PCED1B: variants seen among roughly 807,000 people sequenced by gnomAD.
PCED1B encodes the protein PC-esterase domain-containing protein 1B.
For synonymous variants in PCED1B, 251 were observed against 246.1 expected (o/e 1.02, Z -0.19); for missense variants, 573 against 573.9 (o/e 1.00, Z 0.02).
rs147257666 is a variant in PCED1B, at chr12:47,131,881, G to A, written c.-526+27686G>A. Among the ~76,000 whole-genome samples the A allele has an allele frequency of 4.0e-3, 609 of 151,936 alleles. 4 individuals are homozygous for A. Among genetic ancestry groups the A allele is most frequent in the African/African-American group, 0.014 (577 of 41,424 alleles). On this transcript the variant is annotated intron_variant, in intron 2 of 3. Coordinates refer to ENST00000546455, the MANE Select transcript of PCED1B (RefSeq NM_138371.3). ...ATGGGGTTTCACCATGTTGGCCAGG[G>A]TGGTCTTGATCTCCTGACCTCGTGA... is the stretch of plus-strand genomic sequence containing the variant.
chr12:47,184,353 A>G lies in PCED1B; in HGVS notation c.-525-31869A>G, dbSNP rs530309037. ...AAGGGGAGGTGGTTTGATTTATAGC[A>G]TTTGCAGATTTCCATGATGCAAATA... On this transcript the variant is annotated intron_variant, in intron 2 of 3. Transcript: ENST00000546455. Among the ~76,000 whole-genome samples, 6 of 152,166 alleles carry G rather than the reference A, an allele frequency of 3.9e-5. No homozygotes were observed. The East Asian group carries it at 1.2e-3, about 29-fold the overall frequency.
intron 2 of PCED1B, among the ~76,000 whole-genome samples, chr12:47,112,159 T>C (rs539756952): frequency 1.3e-5 from 2 of 152,354 alleles, no homozygotes; most frequent in African/African-American, 4.8e-5. Flanking sequence ...ATGTTGCTAT[T>C]ATTTTATTTA....
intron 2 of PCED1B, among the ~76,000 whole-genome samples, chr12:47,109,195 G>A (rs1939085219): frequency 6.6e-6 from 1 of 152,172 alleles, no homozygotes; most frequent in Non-Finnish European, 1.5e-5. Flanking sequence ...TCAAGTACTA[G>A]ATTTAGGATG....
At chr12:47,215,482 G>T (rs1232586277) in intron 2 of PCED1B, among the ~76,000 whole-genome samples, 2 of 151,902 alleles carry the variant, frequency 1.3e-5, no homozygotes, top group African/African-American at 2.4e-5. Context: ...TCGAACTCCT[G>T]ACCTCAGGTG....
intron 2 of PCED1B, among the ~76,000 whole-genome samples, chr12:47,152,890 G>A (rs1489377442): frequency 1.3e-5 from 2 of 151,872 alleles, no homozygotes; most frequent in Admixed American, 1.3e-4. Context: ...AGCCTAGATT[G>A]TGCCACTCCA....
chr12:47,109,247 C>T (rs1269127174), intron 2 of PCED1B, among the ~76,000 whole-genome samples: 1 of 152,174 alleles, frequency 6.6e-6, no homozygotes, highest in Non-Finnish European at 1.5e-5. Context: ...CTTCTTGCAA[C>T]TTTCAGCAAA....
intron 2 of PCED1B, among the ~76,000 whole-genome samples, chr12:47,165,484 T>C (rs566487737): frequency 6.6e-6 from 1 of 152,366 alleles, no homozygotes; most frequent in South Asian, 2.1e-4. Flanking sequence ...CACATATTAT[T>C]TTAACAACTC....
intron 2 of PCED1B, among the ~76,000 whole-genome samples, chr12:47,149,380 G>A (rs184822917): frequency 6.6e-6 from 1 of 152,296 alleles, no homozygotes; most frequent in Admixed American, 6.5e-5. Context: ...TCCCTGAGAA[G>A]CAGCGCAATA....
intron 1 of PCED1B, among the ~76,000 whole-genome samples, chr12:47,084,875 C>T (rs568341376): frequency 6.6e-6 from 1 of 152,326 alleles, no homozygotes; most frequent in East Asian, 1.9e-4. Context: ...GTGGCTCATG[C>T]CTGTAATCCC....
intron 2 of PCED1B, among the ~76,000 whole-genome samples, chr12:47,169,753 G>T (rs11608586): frequency 0.23 from 35,001 of 151,294 alleles, 5,144 homozygotes; most frequent in Non-Finnish European, 0.33. Context: ...GTTTTGGGAG[G>T]CCAAGATAGG....
Position 47,140,727 on chromosome 12 carries a change from C to G in PCED1B, c.-526+36532C>G, listed in dbSNP as rs76973428. Among the ~76,000 whole-genome samples, 790 of 152,140 alleles carry G rather than the reference C, an allele frequency of 5.2e-3. 6 individuals are homozygous for G. Among genetic ancestry groups the G allele is most frequent in the African/African-American group, 0.017 (722 of 41,500 alleles). ...TTTCCTTTAATCATAATTGTAGTGG[C>G]TGCATGCAAAAAAAGAAAATATATC... On this transcript the variant is annotated intron_variant, in intron 2 of 3. Transcript: ENST00000546455.
chr12:47,121,138 T>C (rs1431491009), intron 2 of PCED1B, among the ~76,000 whole-genome samples: 1 of 152,186 alleles, frequency 6.6e-6, no homozygotes, highest in African/African-American at 2.4e-5. Context: ...ATGGATAAAG[T>C]GTATGTTATG....
intron 3 of PCED1B, among the ~76,000 whole-genome samples, chr12:47,234,694 G>A (rs968572431): frequency 6.6e-6 from 1 of 152,178 alleles, no homozygotes; most frequent in African/African-American, 2.4e-5. Flanking sequence ...CTCATCCCTG[G>A]GGAGGGTGGA....
intron 2 of PCED1B, among the ~76,000 whole-genome samples, chr12:47,213,348 T>C (rs1434865340): frequency 1.5e-5 from 2 of 130,550 alleles, no homozygotes; most frequent in African/African-American, 6.7e-5. Context: ...TGTGGACTGT[T>C]TAAGTCAGAC....
chr12:47,124,402 G>A (rs566396938), intron 2 of PCED1B, among the ~76,000 whole-genome samples: 2 of 151,850 alleles, frequency 1.3e-5, no homozygotes, highest in South Asian at 4.2e-4. Flanking sequence ...ATACCAAAAT[G>A]TGTTTATTCA....
In PCED1B at chr12:47,105,217, G is replaced by A. The variant is rs149619969; in HGVS notation, c.-526+1022G>A. Among the ~76,000 whole-genome samples, 354 of 152,188 alleles carry A rather than the reference G, an allele frequency of 2.3e-3. 1 individual carries two copies. Among genetic ancestry groups the A allele is most frequent in the African/African-American group, 7.9e-3 (327 of 41,510 alleles). ...TCCGCTGAGTTTGGAAAGATGACTG[G>A]GGTTTGATTGACAGAGTGAACGCGG... On this transcript the variant is annotated intron_variant, in intron 2 of 3. Coordinates refer to ENST00000546455, the MANE Select transcript of PCED1B (RefSeq NM_138371.3).
intron 2 of PCED1B, among the ~76,000 whole-genome samples, chr12:47,124,192 A>G (rs1939792747): frequency 6.6e-6 from 1 of 151,992 alleles, no homozygotes; most frequent in Non-Finnish European, 1.5e-5. Flanking sequence ...TTTCACCCTC[A>G]TCTCTAGGAA....
chr12:47,135,672 G>A (rs372060100), intron 2 of PCED1B: 7 of 520,484 alleles, frequency 1.3e-5, no homozygotes, highest in East Asian at 1.1e-4. Flanking sequence ...GTAGATGAAT[G>A]CTATGAAGTC....
At chr12:47,195,308 G>A (rs1271787313) in intron 2 of PCED1B, among the ~76,000 whole-genome samples, 7 of 146,698 alleles carry the variant, frequency 4.8e-5, no homozygotes, top group African/African-American at 7.6e-5. Context: ...CAGCCTGGGC[G>A]ATGGAGCGAG....
Sources: gnomAD v4.1 joint callset for allele counts (sites outside exome capture counted in the v4.1 genomes callset) on GRCh38, gnomAD v4.1.1 for gene constraint, MANE v1.5 for transcripts, NCBI Gene and HGNC (gene_info 2026-07-23, HGNC 2026-07-21) for gene names.